The following CEP120 variants were observed in gnomAD, a reference collection of about 807,000 sequenced individuals.
The protein encoded by CEP120 is centrosomal protein of 120 kDa.
CEP120 carries 113 observed loss-of-function variants against 126.5 expected under a neutral mutation model. That is an observed-to-expected ratio of 0.89 (90% CI 0.77 to 1.04). The LOEUF is 1.04. Among genes scored for constraint, CEP120 ranks in the 50% least tolerant of loss-of-function variants. The pLI is 0.00. For synonymous variants in CEP120, 400 were observed against 394.3 expected (o/e 1.01, Z -0.17); for missense variants, 1,230 against 1,155.7 (o/e 1.06, Z -0.93).
chr5:123,372,827 TA>T, intron 16 of CEP120, 55 bp from the exon 17 acceptor site: 1 of 1,418,206 alleles, frequency 7.1e-7, no homozygotes, highest in Non-Finnish European at 9.6e-7. Context: ...AGTTTAACAA[TA>T]AAGTATTCAA....
At chr5:123,420,480 T>C (rs1774647248) in intron 1 of CEP120, among the ~76,000 whole-genome samples, 1 of 151,798 alleles carries the variant, frequency 6.6e-6, no homozygotes, top group Non-Finnish European at 1.5e-5. Context: ...AGGACTGTAG[T>C]CCCCCGAGTC....
chr5:123,414,427 T>A (rs982428323), intron 3 of CEP120, among the ~76,000 whole-genome samples: 1 of 152,248 alleles, frequency 6.6e-6, no homozygotes, highest in Non-Finnish European at 1.5e-5. Flanking sequence ...TGGGCTAGGC[T>A]GACTGATCAT....
chr5:123,367,947 C>T (rs575775623), intron 17 of CEP120, among the ~76,000 whole-genome samples: 2 of 151,954 alleles, frequency 1.3e-5, no homozygotes, highest in South Asian at 2.1e-4. Context: ...AGATTCTGCC[C>T]TCTTCTGGCT....
At chr5:123,417,802 A>G (rs1350792738) in intron 2 of CEP120, among the ~76,000 whole-genome samples, 1 of 152,100 alleles carries the variant, frequency 6.6e-6, no homozygotes, top group East Asian at 1.9e-4. Context: ...ACCACTACTA[A>G]GCTAACAGAC....
intron 2 of CEP120, among the ~76,000 whole-genome samples, 191 bp downstream of exon 2, chr5:123,418,168 G>A (rs190099306): frequency 2.0e-4 from 31 of 152,130 alleles, no homozygotes; most frequent in African/African-American, 5.5e-4. Context: ...TTGACTATGC[G>A]TATAATGTAA....
At chr5:123,355,689 G>C (rs1193042693) in intron 18 of CEP120, among the ~76,000 whole-genome samples, 5 of 151,916 alleles carry the variant, frequency 3.3e-5, no homozygotes, top group African/African-American at 1.2e-4. Context: ...TTAGCCCTTT[G>C]TCAGATGAGT....
Position 123,393,246 on chromosome 5 carries a change from A to T in CEP120, c.810+54T>A. 2.0e-6 allele frequency: 3 copies of T among 1,529,558 alleles called. No homozygotes were observed. In the South Asian group the frequency reaches 3.4e-5, roughly 17 times the overall value. 94.7% of individuals were successfully genotyped at this position (1,529,558 alleles called of 1,614,324 possible). ...AAACTCTCGTTTAGTTTAGGTACTA[A>T]ATTAATGCTTAAAAGACCACCTCCA... On this transcript the variant is annotated intron_variant, in intron 6 of 19. Transcript: ENST00000306467.
At chr5:123,347,819 A>AT (rs1768943416) in intron 19 of CEP120, among the ~76,000 whole-genome samples, 1 of 151,816 alleles carries the variant, frequency 6.6e-6, no homozygotes, top group Admixed American at 6.6e-5. Context: ...TAAATTTTGT[A>AT]TATATATATT....
At position 123,389,947 on chromosome 5, in the gene CEP120, T is replaced by A. The variant is rs1471174056; in HGVS notation, c.1232A>T (p.Lys411Met). The A allele has an allele frequency of 1.9e-6, 3 of 1,614,160 alleles. No individual in the cohort carries two copies. In the South Asian group the frequency reaches 3.3e-5, roughly 18 times the overall value. The part of the protein sequence containing the change: ...ESEVESLQYD[K>M]DTKPNPKASS... ...ACCTTTTGGATTTGGTTTGGTGTCC[T>A]TATCATACTGTAAACTTTCCACTTC... Residue 411 changes from lysine to methionine, a missense_variant, in exon 8 of 20, where the codon AAG (lysine) becomes ATG (methionine). Physicochemically the swap from Lys to Met is moderately conservative, Grantham distance 95 (BLOSUM62 -1). Coordinates refer to ENST00000306467, the MANE Select transcript of CEP120 (RefSeq NM_001375405.1).
intron 1 of CEP120, 143 bp downstream of exon 1, chr5:123,422,807 A>G: frequency 2.5e-6 from 2 of 813,556 alleles, no homozygotes; most frequent in Non-Finnish European, 4.1e-6. Flanking sequence ...AACAGACCTC[A>G]CTACGTACAA....
At chr5:123,404,974 A>T (rs998138420) in intron 4 of CEP120, among the ~76,000 whole-genome samples, 2 of 152,254 alleles carry the variant, frequency 1.3e-5, no homozygotes, top group Non-Finnish European at 2.9e-5. Context: ...CCTAAAAGAA[A>T]ATAGGGACTG....
intron 18 of CEP120, among the ~76,000 whole-genome samples, chr5:123,362,467 A>G (rs1190444434): frequency 6.6e-6 from 1 of 151,790 alleles, no homozygotes; most frequent in Non-Finnish European, 1.5e-5. Context: ...AACTTCTTTA[A>G]GTCTCAGTTT....
intron 17 of CEP120, among the ~76,000 whole-genome samples, chr5:123,365,493 T>C (rs1226895493): frequency 2.0e-5 from 3 of 151,814 alleles, no homozygotes; most frequent in South Asian, 2.1e-4. Context: ...CCCATAAATA[T>C]ATGAAAATAA....
intron 4 of CEP120, chr5:123,402,451 GCT>G (rs1405954473): frequency 4.7e-6 from 4 of 854,008 alleles, no homozygotes; most frequent in Non-Finnish European, 6.5e-6. Context: ...ACAGAGTCTT[GCT>G]CTGTCACCCA....
Position 123,390,069 on chromosome 5 carries a change from T to C in CEP120, c.1110A>G (p.Ile370Met), listed in dbSNP as rs1772292060. The C allele has an allele frequency of 1.2e-6, 2 of 1,614,124 alleles. No homozygotes were observed. Among genetic ancestry groups the C allele is most frequent in the Non-Finnish European group, 1.7e-6 (2 of 1,179,966 alleles). ...EHSKKKVLTP[I>M]KEKTLTGPKS... ...TTGGCCCAGTAAGTGTCTTCTCCTT[T>C]ATGGGGGTTAAAACTTTCTTCTTTG... Residue 370 changes from isoleucine (I) to methionine (M), a missense_variant, in exon 8 of 20, where the codon ATA becomes ATG. Transcript: ENST00000306467.
chr5:123,379,193 C>A (rs935295126), intron 14 of CEP120, among the ~76,000 whole-genome samples: 1 of 152,020 alleles, frequency 6.6e-6, no homozygotes, highest in Non-Finnish European at 1.5e-5. Flanking sequence ...GGATTGTGAG[C>A]AGCCGTGAGG....
chr5:123,386,782 T>C (rs1772059220), intron 9 of CEP120, 115 bp from the exon 10 acceptor site: 5 of 775,646 alleles, frequency 6.4e-6, no homozygotes, highest in Non-Finnish European at 9.1e-6. Context: ...AAATACAACT[T>C]TTTAATAGAA....
rs573707146 is a variant in CEP120 at position 123,417,805 on chromosome 5, TAACAGACTTAA to T, written c.206+543_206+553del. On this transcript the variant is annotated intron_variant, in intron 2 of 19. Coordinates refer to ENST00000306467, the MANE Select transcript of CEP120 (RefSeq NM_001375405.1). ...TGCCTGGGCTCTACCACTACTAAGCTAACAGACTTAAAACAAGTTACTAATACTTAACATCT... is the reference window on the plus strand; with the variant it reads ...TGCCTGGGCTCTACCACTACTAAGCTAACAAGTTACTAATACTTAACATCT... Among the ~76,000 whole-genome samples the T allele has an allele frequency of 3.5e-4, 54 of 152,226 alleles. 1 individual carries two copies. Among genetic ancestry groups the T allele is most frequent in the African/African-American group, 1.3e-3 (53 of 41,556 alleles).
At chr5:123,364,880 A>G (rs1236176769) in intron 17 of CEP120, among the ~76,000 whole-genome samples, 3 of 151,656 alleles carry the variant, frequency 2.0e-5, no homozygotes, top group African/African-American at 7.2e-5. Context: ...TATATATTAT[A>G]TAAAGATCAT....
Sources: allele counts gnomAD v4.1 joint callset (sites outside exome capture counted in the v4.1 genomes callset), GRCh38; gene constraint gnomAD v4.1.1; transcripts MANE v1.5; gene names NCBI Gene and HGNC (gene_info 2026-07-23, HGNC 2026-07-21).